The following USP13 variants were observed in gnomAD, a reference collection of about 807,000 sequenced individuals.
USP13 encodes ubiquitin specific peptidase 13.
Under a neutral mutation model 107.8 loss-of-function variants are expected in USP13, and 68 were observed. The observed-to-expected ratio is 0.63, with a 90% CI of 0.52 to 0.77. The LOEUF (loss-of-function observed/expected upper bound fraction) is 0.77. Ranked by LOEUF, USP13 falls within the 30% of genes least tolerant of loss-of-function variation. The pLI is 0.00. For synonymous variants in USP13, 377 were observed against 389.5 expected (o/e 0.97, Z 0.38); for missense variants, 945 against 1,093.3 (o/e 0.86, Z 1.91).
At chr3:179,668,396 C>T (rs17746843) in intron 1 of USP13, among the ~76,000 whole-genome samples, 21 of 152,282 alleles carry the variant, frequency 1.4e-4, no homozygotes, top group African/African-American at 4.6e-4. Flanking sequence ...GGATTACATG[C>T]GTTTGTTCTT....
intron 1 of USP13, among the ~76,000 whole-genome samples, chr3:179,662,176 G>A (rs895188835): frequency 3.3e-5 from 5 of 151,406 alleles, no homozygotes; most frequent in Admixed American, 1.3e-4. Context: ...CCCCATGTTC[G>A]TGATGGTGCC....
intron 13 of USP13, among the ~76,000 whole-genome samples, chr3:179,749,474 A>G (rs1446949131): frequency 6.6e-6 from 1 of 152,252 alleles, no homozygotes; most frequent in Non-Finnish European, 1.5e-5. Context: ...TAAGCTGAGC[A>G]TAATTTATAA....
chr3:179,681,819 C>T, intron 1 of USP13, 59 bp from the exon 2 acceptor site: 15 of 1,560,778 alleles, frequency 9.6e-6, no homozygotes, highest in Non-Finnish European at 1.3e-5. Flanking sequence ...TTCCCTCTTT[C>T]TACATCTGAC....
chr3:179,745,899 GT>G (rs942022636), intron 13 of USP13, among the ~76,000 whole-genome samples: 11 of 151,508 alleles, frequency 7.3e-5, no homozygotes, highest in South Asian at 2.1e-4. Flanking sequence ...ACACATAAAA[GT>G]TTTTTTTTCT....
intron 1 of USP13, among the ~76,000 whole-genome samples, chr3:179,658,436 GC>G (rs35708305): frequency 0.081 from 12,292 of 152,116 alleles, 1,634 homozygotes; most frequent in African/African-American, 0.28. Flanking sequence ...TGCTAATTCT[GC>G]CCCCCTCCCC....
rs1232507534 is a variant in USP13 at position 179,777,596 on chromosome 3, G to T, written c.2414-4143G>T. ...GTCTCCCGAGTAGCTGCGACTACAGGTGCACGCCACCATGCCTGGCTAATT... is the reference window on the plus strand; with the variant it reads ...GTCTCCCGAGTAGCTGCGACTACAGTTGCACGCCACCATGCCTGGCTAATT... On this transcript the variant is annotated intron_variant, in intron 19 of 20. Transcript: ENST00000263966. 2.6e-5 allele frequency among the ~76,000 whole-genome samples: 4 copies of T among 151,950 alleles called. No individual in the cohort carries two copies. The East Asian group carries it at 7.7e-4, about 29-fold the overall frequency.
chr3:179,754,682 A>G (rs1714725485), intron 14 of USP13, 50 bp from the exon 15 acceptor site: 1 of 1,587,836 alleles, frequency 6.3e-7, no homozygotes, highest in Non-Finnish European at 8.6e-7. Context: ...TGGTATTATA[A>G]TAAGGTGATT....
At chr3:179,752,530 T>C in intron 14 of USP13, among the ~76,000 whole-genome samples, 157 bp downstream of exon 14, 1 of 152,226 alleles carries the variant, frequency 6.6e-6, no homozygotes, top group Non-Finnish European at 1.5e-5. Flanking sequence ...TGATAAGAAC[T>C]GACAATAAAA....
chr3:179,730,843 G>C, intron 10 of USP13, 134 bp downstream of exon 10: 1 of 744,382 alleles, frequency 1.3e-6, no homozygotes, highest in Non-Finnish European at 2.2e-6. Context: ...TCAGTGTCTA[G>C]GGTGCCTGTC....
intron 6 of USP13, among the ~76,000 whole-genome samples, chr3:179,712,270 C>G (rs1190063917): frequency 6.6e-6 from 1 of 152,016 alleles, no homozygotes; most frequent in Non-Finnish European, 1.5e-5. Context: ...TCTTTTCTTT[C>G]AGTTTTAAGA....
In USP13 at chr3:179,788,221, G is replaced by C; in HGVS notation, c.*4080G>C. 6.6e-6 allele frequency: 1 copy of C among 152,490 alleles called. No individual in the cohort carries two copies. Among genetic ancestry groups the C allele is most frequent in the Middle Eastern group, 2.6e-3 (1 of 384 alleles). The allele number at this position is 152,490 out of a possible 1,614,324, so 9.4% of individuals were successfully genotyped here. A position where few individuals can be genotyped will look rare whatever the true frequency, so the allele number is the denominator to read the frequency against. On this transcript the variant is annotated 3_prime_UTR_variant, in exon 21 of 21. Transcript: ENST00000263966. ...TGCCTTCTGTGGGGAGATGGCAGGG[G>C]GCAGGGGCAGGACCAGGGGATGGGA... is the stretch of plus-strand genomic sequence containing the variant.
chr3:179,670,784 G>A (rs1720727295), intron 1 of USP13, among the ~76,000 whole-genome samples: 1 of 151,902 alleles, frequency 6.6e-6, no homozygotes, highest in Non-Finnish European at 1.5e-5. Context: ...TGCAACCTCT[G>A]CCTCCTGGGT....
chr3:179,722,053 G>A (rs891548064), intron 8 of USP13, among the ~76,000 whole-genome samples: 2 of 129,538 alleles, frequency 1.5e-5, no homozygotes, highest in Non-Finnish European at 3.2e-5. Context: ...GTAACAGAGC[G>A]AGAATCTGTC....
chr3:179,788,571 A>T lies in USP13; in HGVS notation c.*4430A>T, dbSNP rs1003721457. 1 of 152,364 alleles carries T rather than the reference A, an allele frequency of 6.6e-6. No homozygotes were observed. Among genetic ancestry groups the T allele is most frequent in the East Asian group, 1.9e-4 (1 of 5,196 alleles). 9.4% of individuals were successfully genotyped at this position (152,364 alleles called of 1,614,324 possible). A position where few individuals can be genotyped will look rare whatever the true frequency, so the allele number is the denominator to read the frequency against. On this transcript the variant is annotated 3_prime_UTR_variant, in exon 21 of 21. Transcript: ENST00000263966. ...TATTTCACCAATATTTCATATTGAT[A>T]ACATGCTGAAATGACACTATTTTGG...
chr3:179,783,306 A>G (rs922908027), intron 20 of USP13, among the ~76,000 whole-genome samples: 2 of 152,122 alleles, frequency 1.3e-5, no homozygotes, highest in African/African-American at 2.4e-5. Context: ...GTCTCACTGG[A>G]AGAAAGTATA....
At chr3:179,771,133 C>T (rs1448390370) in intron 19 of USP13, among the ~76,000 whole-genome samples, 3 of 152,170 alleles carry the variant, frequency 2.0e-5, no homozygotes, top group Non-Finnish European at 4.4e-5. Flanking sequence ...CTGGATGGGC[C>T]CCTTGGCTCT....
chr3:179,676,835 T>C (rs1303616714), intron 1 of USP13, among the ~76,000 whole-genome samples: 2 of 152,182 alleles, frequency 1.3e-5, no homozygotes, highest in Non-Finnish European at 2.9e-5. Flanking sequence ...ACACACTACC[T>C]CTGTGGCCAG....
At position 179,678,975 on chromosome 3, in the gene USP13, T is replaced by TTTTA. The variant is rs796667928; in HGVS notation, c.169-2886_169-2883dup. 1.3e-5 allele frequency among the ~76,000 whole-genome samples: 2 copies of TTTTA among 152,172 alleles called. No individual in the cohort carries two copies. The highest frequency in any genetic ancestry group is 2.9e-5 in the Non-Finnish European group (2 of 68,036). On this transcript the variant is annotated intron_variant, in intron 1 of 20. Transcript: ENST00000263966. The surrounding 1 kb of genome is among the most constrained non-coding windows in gnomAD (Gnocchi z 4.2). ...CTTCTTTCTTTGTGATCTTTATACC[T>TTTTA]TTTATTTATTTATTTATTTAGTTTG...
chr3:179,734,418 A>G (rs756680370), intron 10 of USP13, among the ~76,000 whole-genome samples: 16 of 152,232 alleles, frequency 1.1e-4, no homozygotes, highest in Admixed American at 8.5e-4. Flanking sequence ...CAAAGATAAC[A>G]TATCTTAAAT....
Sources: gnomAD v4.1 joint callset for allele counts (sites outside exome capture counted in the v4.1 genomes callset) on GRCh38, gnomAD v4.1.1 for gene constraint, Gnocchi (gnomAD v3.1) non-coding constraint, MANE v1.5 for transcripts, NCBI Gene and HGNC (gene_info 2026-07-23, HGNC 2026-07-21) for gene names.